PHF2: variants seen among roughly 807,000 people sequenced by gnomAD.
The protein encoded by PHF2 is lysine-specific demethylase PHF2.
Under a neutral mutation model 120.5 loss-of-function variants are expected in PHF2, and 27 were observed. The ratio of observed to expected loss-of-function variants is 0.22; its 90% CI spans 0.17 to 0.31. The LOEUF is 0.31. PHF2 is among the 10% of genes least tolerant of loss of function. PHF2 has a pLI of 1.00. For synonymous variants in PHF2, 568 were observed against 592.5 expected (o/e 0.96, Z 0.60); for missense variants, 1,024 against 1,434.8 (o/e 0.71, Z 4.63).
At chr9:93,651,906 T>C (rs977193618) in intron 5 of PHF2, among the ~76,000 whole-genome samples, 3 of 152,152 alleles carry the variant, frequency 2.0e-5, no homozygotes, top group African/African-American at 7.2e-5. Context: ...ATGAGGGCCC[T>C]TGTGGCAGGG....
intron 1 of PHF2, among the ~76,000 whole-genome samples, chr9:93,603,197 G>T (rs375745348): frequency 8.5e-5 from 13 of 152,230 alleles, no homozygotes; most frequent in Middle Eastern, 3.4e-3. Context: ...TGGACAGGAG[G>T]AACAAAGGCC....
At position 93,658,209 on chromosome 9, in the gene PHF2, T is replaced by C. The variant is rs1345355029; in HGVS notation, c.1212T>C (p.Gly404=). ...HLVQGAKILN[G]AFRSWTKKQA... is the part of the protein sequence containing the mutation. ...TCCAAGGAGCTAAAATTCTCAATGG[T>C]GCTTTCCGATCGTGGACGAAGAAGC... is the stretch of plus-strand genomic sequence containing the variant. Residue 404 remains glycine, a synonymous_variant, in exon 10 of 22, where the codon GGT becomes GGC. Coordinates refer to ENST00000359246, the MANE Select transcript of PHF2 (RefSeq NM_005392.4). 6.2e-7 allele frequency: 1 copy of C among 1,612,932 alleles called. No homozygotes were observed.
At chr9:93,666,624 C>T (rs142257065) in intron 16 of PHF2, among the ~76,000 whole-genome samples, 1,598 of 152,342 alleles carry the variant, frequency 0.01, 13 homozygotes, top group African/African-American at 0.015. Flanking sequence ...AGAAGGGCAG[C>T]GGCTCTTTAA....
In PHF2 at chr9:93,576,788, C is replaced by T. The variant is rs553782112; in HGVS notation, c.15C>T (p.Pro5=). 105 of 1,277,014 alleles carry T rather than the reference C, an allele frequency of 8.2e-5. No individual in the cohort carries two copies. The South Asian group carries it at 1.3e-3, about 15-fold the overall frequency. The allele number at this position is 1,277,014 out of a possible 1,614,324, so 79.1% of individuals were successfully genotyped here. A position where few individuals can be genotyped will look rare whatever the true frequency, so the allele number is the denominator to read the frequency against. The part of the protein sequence containing the change: MATV[P]VYCVCRLPYD... ...GGCGCGGCAACATGGCGACGGTGCC[C>T]GTGTACTGCGTCTGCCGGCTCCCCT... The change falls in exon 1 of 22, where the codon CCC becomes CCT. Residue 5 remains proline, a synonymous_variant. Coordinates refer to ENST00000359246, the MANE Select transcript of PHF2 (RefSeq NM_005392.4).
At chr9:93,638,074 A>G (rs1826120884) in intron 3 of PHF2, among the ~76,000 whole-genome samples, 1 of 150,932 alleles carries the variant, frequency 6.6e-6, no homozygotes, top group Non-Finnish European at 1.5e-5. Flanking sequence ...ATCCTTGTAT[A>G]TCTTCCTTGG....
intron 1 of PHF2, among the ~76,000 whole-genome samples, chr9:93,595,057 T>G (rs1825306224): frequency 6.6e-6 from 1 of 152,198 alleles, no homozygotes; most frequent in African/African-American, 2.4e-5. Flanking sequence ...TTACAGATAC[T>G]TGGGTACTTA....
intron 4 of PHF2, among the ~76,000 whole-genome samples, chr9:93,648,137 T>A (rs968967390): frequency 1.3e-5 from 2 of 152,154 alleles, no homozygotes; most frequent in Non-Finnish European, 2.9e-5. Flanking sequence ...CCCTGAAGTC[T>A]CTTTTCTTCT....
In PHF2 at chr9:93,576,762, C is replaced by T; in HGVS notation, c.-12C>T. The T allele has an allele frequency of 8.3e-7, 1 of 1,205,778 alleles. No homozygotes were observed. The allele number at this position is 1,205,778 out of a possible 1,614,324, so 74.7% of individuals were successfully genotyped here. A position where few individuals can be genotyped will look rare whatever the true frequency, so the allele number is the denominator to read the frequency against. The stretch of plus-strand genomic sequence containing the variant: ...GCAGCGGCGGGGCCGAGCGGCGGCG[C>T]GGCGCGGCAACATGGCGACGGTGCC... On this transcript the variant is annotated 5_prime_UTR_variant, in exon 1 of 22. Coordinates refer to ENST00000359246, the MANE Select transcript of PHF2 (RefSeq NM_005392.4).
intron 12 of PHF2, among the ~76,000 whole-genome samples, chr9:93,661,551 A>T (rs997744782): frequency 1.3e-5 from 2 of 152,206 alleles, no homozygotes; most frequent in Admixed American, 1.3e-4. Flanking sequence ...AGATGGCTAC[A>T]TGAACGAATT....
At chr9:93,621,223 C>A (rs1202006698) in intron 1 of PHF2, among the ~76,000 whole-genome samples, 5 of 152,240 alleles carry the variant, frequency 3.3e-5, no homozygotes, top group Non-Finnish European at 7.3e-5. Flanking sequence ...CCCCCCACAA[C>A]CCTGGTGGGC....
chr9:93,632,981 C>T (rs995956792), intron 2 of PHF2, among the ~76,000 whole-genome samples: 1 of 152,124 alleles, frequency 6.6e-6, no homozygotes, highest in Non-Finnish European at 1.5e-5. Context: ...TCCAGGCACG[C>T]CTTGCACACC....
chr9:93,653,517 A>G lies in PHF2; in HGVS notation c.789+152A>G, dbSNP rs1414574692. The G allele has an allele frequency of 5.4e-6, 4 of 737,358 alleles. No individual in the cohort carries two copies. The East Asian group carries it at 8.0e-5, about 15-fold the overall frequency. 45.7% of individuals were successfully genotyped at this position (737,358 alleles called of 1,614,324 possible). On this transcript the variant is annotated intron_variant, in intron 6 of 21. Transcript: ENST00000359246. ...TCCCTGGGACAGGAGGCCTCTGGAGACATCTCTGGGTGGAGGGGCAGGGGT... is the reference window on the plus strand; with the variant it reads ...TCCCTGGGACAGGAGGCCTCTGGAGGCATCTCTGGGTGGAGGGGCAGGGGT...
chr9:93,650,930 A>G (rs969410591), intron 5 of PHF2, among the ~76,000 whole-genome samples: 1 of 152,148 alleles, frequency 6.6e-6, no homozygotes, highest in African/African-American at 2.4e-5. Flanking sequence ...ACCAAGAAAG[A>G]GAATACAAAA....
chr9:93,651,098 T>TAA (rs59504471), intron 5 of PHF2, among the ~76,000 whole-genome samples: 4,135 of 138,884 alleles, frequency 0.03, 130 homozygotes, highest in African/African-American at 0.08. Flanking sequence ...TTTTAAAAAT[T>TAA]AAAAAAAAAA....
In PHF2 at chr9:93,637,413, T is replaced by G. The variant is rs184364774; in HGVS notation, c.299+888T>G. On this transcript the variant is annotated intron_variant, in intron 3 of 21. Coordinates refer to ENST00000359246, the MANE Select transcript of PHF2 (RefSeq NM_005392.4). ...TGCACATCACTGATTTTGGGACATT[T>G]TCATCACCCCCAAAATAAATCCCAT... is the stretch of plus-strand genomic sequence containing the variant. Among the ~76,000 whole-genome samples, 74 of 152,358 alleles carry G rather than the reference T, an allele frequency of 4.9e-4. No individual in the cohort carries two copies. The Middle Eastern group carries it at 0.01, about 21-fold the overall frequency.
intron 1 of PHF2, among the ~76,000 whole-genome samples, chr9:93,615,084 A>G (rs1296443223): frequency 2.2e-5 from 3 of 138,766 alleles, no homozygotes; most frequent in East Asian, 2.2e-4. Context: ...TGGTGATGGT[A>G]GTGATGGTGA....
chr9:93,661,120 C>T (rs1826557473), intron 12 of PHF2, among the ~76,000 whole-genome samples: 1 of 152,092 alleles, frequency 6.6e-6, no homozygotes, highest in South Asian at 2.1e-4. Flanking sequence ...AGCAGGGTGG[C>T]CCTGATAGTC....
intron 1 of PHF2, among the ~76,000 whole-genome samples, chr9:93,595,336 G>C (rs998982492): frequency 4.6e-5 from 7 of 152,246 alleles, no homozygotes; most frequent in African/African-American, 1.4e-4. Context: ...GTGATTATCT[G>C]TGGATGCTCA....
chr9:93,590,150 A>T (rs1242975428), intron 1 of PHF2, among the ~76,000 whole-genome samples: 1 of 152,336 alleles, frequency 6.6e-6, no homozygotes, highest in East Asian at 1.9e-4. Flanking sequence ...TGATTTCTCT[A>T]CACACTGGGC....
Sources: gnomAD v4.1 joint callset for allele counts (sites outside exome capture counted in the v4.1 genomes callset) on GRCh38, gnomAD v4.1.1 for gene constraint, MANE v1.5 for transcripts, NCBI Gene and HGNC (gene_info 2026-07-23, HGNC 2026-07-21) for gene names.